The following URI1 variants were observed in gnomAD, a reference collection of about 807,000 sequenced individuals.
URI1 encodes URI1 prefoldin like chaperone.
In URI1, 39 loss-of-function variants were observed where a neutral mutation model predicts 60.2. The ratio of observed to expected loss-of-function variants is 0.65; its 90% CI spans 0.50 to 0.85. The LOEUF is 0.85. URI1 is among the 40% of genes least tolerant of loss of function. URI1 has a pLI of 0.00. For missense variants in URI1, 691 were observed against 665.9 expected (o/e 1.04, Z -0.42); for synonymous variants, 251 against 236.8 (o/e 1.06, Z -0.55).
intron 8 of URI1, among the ~76,000 whole-genome samples, chr19:30,009,940 C>CT (rs1303232044): frequency 6.6e-6 from 1 of 152,050 alleles, no homozygotes; most frequent in Non-Finnish European, 1.5e-5. Flanking sequence ...TATGAAAAGC[C>CT]TTTTGTTCCC....
chr19:29,951,064 T>C (rs1490150018), intron 1 of URI1, among the ~76,000 whole-genome samples: 1 of 152,190 alleles, frequency 6.6e-6, no homozygotes, highest in Non-Finnish European at 1.5e-5. Flanking sequence ...GAGTCCAGCC[T>C]GGGCAACAAA....
chr19:29,950,925 A>C (rs1387710838), intron 1 of URI1, among the ~76,000 whole-genome samples: 1 of 152,224 alleles, frequency 6.6e-6, no homozygotes, highest in Non-Finnish European at 1.5e-5. Context: ...CACAATTTGG[A>C]GATGTCTAAT....
chr19:29,945,511 G>C (rs1193444646), intron 1 of URI1, among the ~76,000 whole-genome samples: 1 of 152,204 alleles, frequency 6.6e-6, no homozygotes, highest in Admixed American at 6.5e-5. Flanking sequence ...TCAGCGGTTA[G>C]GATCAAATAT....
At chr19:29,981,853 T>A (rs1568429103) in intron 2 of URI1, among the ~76,000 whole-genome samples, 1 of 152,178 alleles carries the variant, frequency 6.6e-6, no homozygotes, top group Non-Finnish European at 1.5e-5. Flanking sequence ...AAAAATTAAT[T>A]ACGTTTCTAA....
intron 1 of URI1, among the ~76,000 whole-genome samples, chr19:29,947,093 T>A (rs191157563): frequency 1.8e-4 from 27 of 152,238 alleles, no homozygotes. Context: ...GGGAGTGAGC[T>A]GTGTGGATAT....
intron 1 of URI1, among the ~76,000 whole-genome samples, chr19:29,934,825 T>C (rs2054955165): frequency 6.6e-6 from 1 of 151,956 alleles, no homozygotes; most frequent in Non-Finnish European, 1.5e-5. Flanking sequence ...CAGGGATTGG[T>C]AGCATAAGTG....
chr19:29,971,806 A>G (rs1465419246), intron 2 of URI1, among the ~76,000 whole-genome samples: 1 of 151,888 alleles, frequency 6.6e-6, no homozygotes, highest in African/African-American at 2.4e-5. Flanking sequence ...GCTCGATTTA[A>G]TGGTGAATAA....
rs766654829 is a variant in URI1, at chr19:30,007,518, A to C, written c.566A>C (p.Asp189Ala). The C allele has an allele frequency of 1.2e-6, 2 of 1,613,510 alleles. No individual in the cohort carries two copies. Among genetic ancestry groups the C allele is most frequent in the Non-Finnish European group, 1.7e-6 (2 of 1,179,584 alleles). Residue 189 changes from aspartate (D) to alanine (A), a missense_variant, in exon 7 of 11, where the codon GAT becomes GCT. Coordinates refer to ENST00000392271, the MANE Select transcript of URI1 (RefSeq NM_003796.3). ...CCGCATTCCAAACCAAAAACTTCAG[A>C]TATTTTTGAAGCAGATATTGCAAAT... Reference protein sequence around the residue: ...HKPHSKPKTSDIFEADIANDV... With the variant: ...HKPHSKPKTSAIFEADIANDV...
At position 30,011,251 on chromosome 19, in the gene URI1, C is replaced by T. The variant is rs775028355; in HGVS notation, c.1178+15C>T. The T allele has an allele frequency of 6.3e-7, 1 of 1,590,672 alleles. No individual in the cohort carries two copies. Among genetic ancestry groups the T allele is most frequent in the East Asian group, 2.3e-5 (1 of 44,284 alleles). ...GACATTTACAGGTGGGAGGCGCTCA[C>T]AGCTGCAGGGCAGTCTGCTGGGCTT... On this transcript the variant is annotated intron_variant, in intron 9 of 10. Transcript: ENST00000392271.
chr19:29,941,775 T>C (rs1477532601), upstream of URI1, among the ~76,000 whole-genome samples: 1 of 152,154 alleles, frequency 6.6e-6, no homozygotes, highest in African/African-American at 2.4e-5. Context: ...ATGCAAAATA[T>C]AATTGTATAT....
chr19:30,004,486 C>T (rs1239358747), intron 4 of URI1: 1 of 152,080 alleles, frequency 6.6e-6, no homozygotes, highest in African/African-American at 2.4e-5. Flanking sequence ...CCTCCATCCT[C>T]TTCTGATCTG....
chr19:29,984,565 C>T (rs1439817818), intron 2 of URI1, among the ~76,000 whole-genome samples: 1 of 152,102 alleles, frequency 6.6e-6, no homozygotes, highest in Non-Finnish European at 1.5e-5. Context: ...CAGTAATTCT[C>T]AAAATTTGAG....
At chr19:29,923,758 A>G (rs1469315760) in intron 1 of URI1, 1 of 1,536,406 alleles carries the variant, frequency 6.5e-7, no homozygotes, top group Admixed American at 2.0e-5. Flanking sequence ...TGCATTGGTG[A>G]GTTGAAGCTT....
Position 30,015,081 on chromosome 19 carries a change from G to A in URI1, c.*12G>A. ...AACAGAAAGACTAGGCCCTGTCTAG[G>A]AAATGGGAATTTACATCCTAAAACC... On this transcript the variant is annotated 3_prime_UTR_variant, in exon 11 of 11. Coordinates refer to ENST00000392271, the MANE Select transcript of URI1 (RefSeq NM_003796.3). The A allele has an allele frequency of 1.9e-6, 3 of 1,607,448 alleles. No homozygotes were observed. Among genetic ancestry groups the A allele is most frequent in the Non-Finnish European group, 2.5e-6 (3 of 1,177,446 alleles).
intron 4 of URI1, among the ~76,000 whole-genome samples, chr19:30,002,288 C>T (rs1285498799): frequency 1.3e-5 from 2 of 152,028 alleles, no homozygotes; most frequent in African/African-American, 4.8e-5. Flanking sequence ...AATATTTGGT[C>T]TTACTTAGTG....
chr19:30,011,625 T>C (rs2056021259), intron 9 of URI1, among the ~76,000 whole-genome samples: 2 of 151,918 alleles, frequency 1.3e-5, no homozygotes, highest in Non-Finnish European at 2.9e-5. Flanking sequence ...GCAGGTTTTT[T>C]TTTTTTTTCC....
Position 29,923,724 on chromosome 19 carries a change from C to T in URI1, c.33C>T (p.His11=), listed in dbSNP as rs756055523. ...CATGGTCTTCCCTTCAAGGAAGCCA[C>T]GTTTCTAAGAGGGCTCTGGCATATG... The change falls in exon 1 of 11, where the codon CAC becomes CAT. Residue 11 remains histidine (H), a synonymous_variant. Coordinates refer to the URI1 transcript ENST00000360605. The T allele has an allele frequency of 1.7e-5, 26 of 1,536,758 alleles. 1 individual carries two copies. The South Asian group carries it at 1.9e-4, about 11-fold the overall frequency.
intron 1 of URI1, among the ~76,000 whole-genome samples, chr19:29,945,010 G>A (rs1294313808): frequency 6.6e-6 from 1 of 152,198 alleles, no homozygotes; most frequent in African/African-American, 2.4e-5. Context: ...TGTAGAAGGG[G>A]AAAATGTCAT....
rs1043994721 is a variant in URI1 at position 29,985,237 on chromosome 19, A to G, written c.167A>G (p.Asn56Ser). 2.5e-6 allele frequency: 4 copies of G among 1,602,494 alleles called. No individual in the cohort carries two copies. The highest frequency in any genetic ancestry group is 3.4e-6 in the Non-Finnish European group (4 of 1,173,544). The change falls in exon 3 of 11, where the codon AAT becomes AGT. Residue 56 changes from asparagine to serine, a missense_variant. Transcript: ENST00000392271. ...ERIQHWKKVD[N>S]DYNALRERLS... ...TCTGTCAACAGGAAGAAGGTAGATAATGACTATAATGCCCTTCGAGAAAGA... is the reference window on the plus strand; with the variant it reads ...TCTGTCAACAGGAAGAAGGTAGATAGTGACTATAATGCCCTTCGAGAAAGA...
Sources: allele counts gnomAD v4.1 joint callset (sites outside exome capture counted in the v4.1 genomes callset), GRCh38; gene constraint gnomAD v4.1.1; transcripts MANE v1.5; gene names NCBI Gene and HGNC (gene_info 2026-07-23, HGNC 2026-07-21).